MECOM: variants seen among roughly 807,000 people sequenced by gnomAD.
MECOM encodes the protein MDS1 and EVI1 complex locus.
A neutral mutation model predicts 116.3 loss-of-function variants in MECOM; 13 were observed. The observed-to-expected ratio is 0.11, with a 90% confidence interval of 0.07 to 0.18. The LOEUF (loss-of-function observed/expected upper bound fraction) is 0.18. Ranked by LOEUF, MECOM falls within the 10% of genes least tolerant of loss-of-function variation. The pLI is 1.00. For synonymous variants in MECOM, 528 were observed against 535.2 expected (o/e 0.99, Z 0.19); for missense variants, 1,299 against 1,509.0 (o/e 0.86, Z 2.31).
chr3:169,637,331 C>G (rs1242147292), intron 1 of MECOM, among the ~76,000 whole-genome samples: 1 of 152,112 alleles, frequency 6.6e-6, no homozygotes, highest in Non-Finnish European at 1.5e-5. Context: ...ACACCTAGAA[C>G]TACAAAAAGT....
intron 2 of MECOM, among the ~76,000 whole-genome samples, chr3:169,377,866 T>C (rs1246212941): frequency 6.6e-6 from 1 of 152,150 alleles, no homozygotes; most frequent in Non-Finnish European, 1.5e-5. Flanking sequence ...TAAAGACACA[T>C]GCACATGTAT....
intron 1 of MECOM, among the ~76,000 whole-genome samples, chr3:169,662,335 C>T (rs1023430500): frequency 6.6e-6 from 1 of 152,178 alleles, no homozygotes; most frequent in African/African-American, 2.4e-5. Context: ...GCCCAACGCT[C>T]TGGCAGCCCG....
At chr3:169,627,597 A>G (rs1346372686) in intron 1 of MECOM, among the ~76,000 whole-genome samples, 3 of 152,264 alleles carry the variant, frequency 2.0e-5, no homozygotes, top group African/African-American at 7.2e-5. Flanking sequence ...ATTGCAATCT[A>G]AATCTAAATT....
intron 2 of MECOM, among the ~76,000 whole-genome samples, chr3:169,259,204 A>G (rs1757234476): frequency 6.6e-6 from 1 of 151,710 alleles, no homozygotes; most frequent in African/African-American, 2.4e-5. Context: ...TTTTTTTTTT[A>G]AGTGTGGATT....
chr3:169,508,659 TG>T (rs1208874753), intron 1 of MECOM, among the ~76,000 whole-genome samples: 3 of 152,208 alleles, frequency 2.0e-5, no homozygotes, highest in Non-Finnish European at 2.9e-5. Flanking sequence ...CATCTCCTGA[TG>T]CAAGAAGGCT....
intron 1 of MECOM, chr3:169,477,135 A>G (rs1465858332): frequency 2.2e-5 from 2 of 92,056 alleles, no homozygotes; most frequent in East Asian, 2.8e-4. Context: ...ATATATATAT[A>G]TATATATATA....
At chr3:169,320,802 G>A (rs1438045413) in intron 2 of MECOM, among the ~76,000 whole-genome samples, 1 of 152,106 alleles carries the variant, frequency 6.6e-6, no homozygotes, top group Non-Finnish European at 1.5e-5. Context: ...GTTATATTGT[G>A]TTTTTGTTTT....
At chr3:169,410,255 C>T (rs1180200800) in intron 1 of MECOM, among the ~76,000 whole-genome samples, 1 of 152,202 alleles carries the variant, frequency 6.6e-6, no homozygotes, top group Non-Finnish European at 1.5e-5. Flanking sequence ...CATTCATTTG[C>T]TTCCTAATAC....
intron 1 of MECOM, among the ~76,000 whole-genome samples, chr3:169,621,440 A>T (rs1226106809): frequency 6.6e-6 from 1 of 152,124 alleles, no homozygotes; most frequent in Non-Finnish European, 1.5e-5. Flanking sequence ...CTTTGATTTG[A>T]TTGTTTATAA....
intron 1 of MECOM, among the ~76,000 whole-genome samples, chr3:169,420,516 T>C (rs1010603549): frequency 2.6e-5 from 4 of 152,152 alleles, no homozygotes; most frequent in Non-Finnish European, 5.9e-5. Flanking sequence ...GGTTTCTTTT[T>C]ATCTGAACAA....
intron 1 of MECOM, among the ~76,000 whole-genome samples, chr3:169,543,066 G>A (rs952109964): frequency 5.3e-5 from 8 of 152,098 alleles, no homozygotes; most frequent in African/African-American, 7.2e-5. Flanking sequence ...AACTAGTTAC[G>A]AATACCAAAA....
intron 3 of MECOM, among the ~76,000 whole-genome samples, chr3:169,136,170 G>A (rs2149242573): frequency 6.6e-6 from 1 of 151,804 alleles, no homozygotes; most frequent in South Asian, 2.1e-4. Context: ...GTGGTGATAT[G>A]AAATTGATTG....
intron 1 of MECOM, among the ~76,000 whole-genome samples, chr3:169,575,852 G>C (rs1243786458): frequency 6.6e-6 from 1 of 151,496 alleles, no homozygotes; most frequent in Non-Finnish European, 1.5e-5. Context: ...AACCTCTCTG[G>C]ACAGGTTCCC....
At chr3:169,628,651 C>T (rs1771678959) in intron 1 of MECOM, among the ~76,000 whole-genome samples, 1 of 152,138 alleles carries the variant, frequency 6.6e-6, no homozygotes, top group Non-Finnish European at 1.5e-5. Flanking sequence ...CAATTCATTC[C>T]GCAGTGCAGT....
Position 169,453,316 on chromosome 3 carries a change from G to A in MECOM, c.38-71792C>T, listed in dbSNP as rs74341350. ...ACAAATGGCCTATTAATTATCTAAT[G>A]TTGTCTGACAACAACAGCTTGATAA... On this transcript the variant is annotated intron_variant, in intron 1 of 16. Transcript: ENST00000651503. Among the ~76,000 whole-genome samples, 29 of 152,290 alleles carry A rather than the reference G, an allele frequency of 1.9e-4. No individual in the cohort carries two copies. In the East Asian group the frequency reaches 2.1e-3, roughly 11 times the overall value.
intron 5 of MECOM, among the ~76,000 whole-genome samples, chr3:169,124,555 ATAT>A (rs60701858): frequency 0.89 from 134,419 of 151,844 alleles, 59,627 homozygotes; most frequent in Admixed American, 0.9. Context: ...ATATTTGATA[ATAT>A]TAAGAAATTA....
At chr3:169,103,215 T>C (rs944215709) in intron 10 of MECOM, among the ~76,000 whole-genome samples, 1 of 151,794 alleles carries the variant, frequency 6.6e-6, no homozygotes, top group Non-Finnish European at 1.5e-5. Flanking sequence ...TCCTTCCACC[T>C]GCTTCGGTCT....
chr3:169,465,584 T>A (rs1748158568), intron 1 of MECOM, among the ~76,000 whole-genome samples: 1 of 152,226 alleles, frequency 6.6e-6, no homozygotes, highest in Non-Finnish European at 1.5e-5. Context: ...ATTTTTTCTG[T>A]ATGTGTCGAC....
At chr3:169,365,177 A>T (rs1438389692) in intron 2 of MECOM, among the ~76,000 whole-genome samples, 1 of 151,946 alleles carries the variant, frequency 6.6e-6, no homozygotes. Flanking sequence ...TAAGGGTTTT[A>T]TCTTATTTAT....
Sources: allele counts gnomAD v4.1 joint callset (sites outside exome capture counted in the v4.1 genomes callset), GRCh38; gene constraint gnomAD v4.1.1; transcripts MANE v1.5; gene names NCBI Gene and HGNC (gene_info 2026-07-23, HGNC 2026-07-21).